DNAH8: variants seen among roughly 807,000 people sequenced by gnomAD.
The protein encoded by DNAH8 is dynein axonemal heavy chain 8, also known as axonemal beta dynein heavy chain 8.
In DNAH8, 382 loss-of-function variants were observed where a neutral mutation model predicts 562.1. That is an observed-to-expected ratio of 0.68 (90% CI 0.63 to 0.74). DNAH8 has a LOEUF of 0.74. Ranked by LOEUF, DNAH8 falls within the 30% of genes least tolerant of loss-of-function variation. DNAH8 has a pLI of 0.00. For synonymous variants in DNAH8, 1,881 were observed against 1,919.4 expected (o/e 0.98, Z 0.52); for missense variants, 5,203 against 5,620.4 (o/e 0.93, Z 2.37).
chr6:38,992,865 C>T (rs777344071), intron 88 of DNAH8, among the ~76,000 whole-genome samples: 1 of 152,206 alleles, frequency 6.6e-6, no homozygotes, highest in Non-Finnish European at 1.5e-5. Flanking sequence ...TACAAACTCT[C>T]AGAAAAGTTG....
At chr6:38,749,559 G>A (rs1232340454) in intron 8 of DNAH8, among the ~76,000 whole-genome samples, 1 of 149,714 alleles carries the variant, frequency 6.7e-6, no homozygotes, top group African/African-American at 2.4e-5. Flanking sequence ...AAAAGACAAT[G>A]TCTAATTAAA....
intron 22 of DNAH8, among the ~76,000 whole-genome samples, chr6:38,804,922 G>C (rs1194676729): frequency 7.1e-6 from 1 of 140,056 alleles, no homozygotes; most frequent in African/African-American, 2.5e-5. Context: ...GGGTGGCCGG[G>C]GGGGAGGGGG....
rs771614521 is a variant in DNAH8 at position 38,741,802 on chromosome 6, T to G, written c.1208T>G (p.Phe403Cys). Residue 403 changes from phenylalanine to cysteine, a missense_variant, in exon 8 of 93, where the codon TTC (phenylalanine) becomes TGC (cysteine). Phe to Cys is a radical substitution (Grantham distance 205). Around this residue, in one of 6 missense-constraint regions of DNAH8, gnomAD observed 556 missense variants for 496.9 expected, o/e 1.12. Transcript: ENST00000327475. Reference protein sequence around the residue: ...LEHWKRMSAKFNYIIEQIKGP... With the variant: ...LEHWKRMSAKCNYIIEQIKGP... ...CACTGGAAACGCATGTCAGCCAAGT[T>G]CAACTATATCATTGAGCAGATTAAA... The G allele has an allele frequency of 1.9e-6, 3 of 1,614,124 alleles. No homozygotes were observed. The highest frequency in any genetic ancestry group is 2.7e-5 in the African/African-American group (2 of 75,058).
At chr6:39,012,695 A>G in intron 91 of DNAH8, 58 bp downstream of exon 91, 2 of 1,325,076 alleles carry the variant, frequency 1.5e-6, no homozygotes, top group Admixed American at 1.7e-5. Context: ...GGATAGTAGC[A>G]TCGTGTGATA....
chr6:38,956,092 C>T (rs865879898), intron 82 of DNAH8, among the ~76,000 whole-genome samples: 1 of 152,164 alleles, frequency 6.6e-6, no homozygotes. Flanking sequence ...TGAAAGTTGC[C>T]CTGTGGCTTG....
intron 62 of DNAH8, among the ~76,000 whole-genome samples, chr6:38,903,759 G>GCACCAC: frequency 6.6e-6 from 1 of 151,874 alleles, no homozygotes; most frequent in African/African-American, 2.4e-5. Flanking sequence ...TTACAGGCGA[G>GCACCAC]CACCACCACG....
chr6:39,010,831 ATGTAT>A lies in DNAH8; in HGVS notation c.13372-1383_13372-1379del, dbSNP rs1766165966. On this transcript the variant is annotated intron_variant, in intron 89 of 92. Coordinates refer to ENST00000327475, the MANE Select transcript of DNAH8 (RefSeq NM_001206927.2). ...CACACACACACACACGTATGTATGT[ATGTAT>A]GTATGTATGTATGTATGTATGTATG... Among the ~76,000 whole-genome samples, 27 of 116,438 alleles carry A rather than the reference ATGTAT, an allele frequency of 2.3e-4. No homozygotes were observed. The South Asian group carries it at 7.9e-3, about 34-fold the overall frequency. The allele number at this position is 116,438 out of a possible 152,430, so 76.4% of individuals were successfully genotyped here.
intron 88 of DNAH8, among the ~76,000 whole-genome samples, chr6:38,997,843 C>T (rs1248018510): frequency 1.3e-5 from 2 of 152,152 alleles, no homozygotes; most frequent in East Asian, 1.9e-4. Flanking sequence ...CTGCAACCTC[C>T]GCCTCCCAGG....
intron 21 of DNAH8, among the ~76,000 whole-genome samples, chr6:38,801,416 G>A (rs754369020): frequency 6.6e-6 from 1 of 152,112 alleles, no homozygotes; most frequent in Non-Finnish European, 1.5e-5. Context: ...TTATTTTGTC[G>A]AGGTTTCTGG....
intron 7 of DNAH8, among the ~76,000 whole-genome samples, chr6:38,741,044 G>A (rs1415988643): frequency 6.6e-6 from 1 of 152,146 alleles, no homozygotes; most frequent in Non-Finnish European, 1.5e-5. Context: ...ATTACCAGGT[G>A]GAATAGAAGT....
chr6:39,008,971 G>A lies in DNAH8; in HGVS notation c.13371+1G>A, dbSNP rs1219161708. On this transcript the variant is annotated splice_donor_variant, in intron 89 of 92. Transcript: ENST00000327475. LOFTEE classifies it high-confidence loss of function. ...CCCTCCTGATTACATTCCTCATGAG[G>A]TAAGTCTTGCTGGTTTCCCACTGGC... is the stretch of plus-strand genomic sequence containing the variant. 6.2e-7 allele frequency: 1 copy of A among 1,603,600 alleles called. No homozygotes were observed. The highest frequency in any genetic ancestry group is 1.7e-5 in the Admixed American group (1 of 59,060).
chr6:38,853,082 T>C, intron 40 of DNAH8, 104 bp from the exon 41 acceptor site: 1 of 858,562 alleles, frequency 1.2e-6, no homozygotes, highest in Non-Finnish European at 1.8e-6. Context: ...AATATGAAAC[T>C]GTTTGCTTGG....
chr6:38,982,299 A>C (rs1764086429), intron 85 of DNAH8, 47 bp from the exon 86 acceptor site: 1 of 790,208 alleles, frequency 1.3e-6, no homozygotes, highest in Admixed American at 1.9e-5. Context: ...AGCAATAAAA[A>C]TGGAATCAGG....
chr6:38,884,080 C>T (rs1160012158), intron 56 of DNAH8, 82 bp downstream of exon 56: 1 of 973,292 alleles, frequency 1.0e-6, no homozygotes, highest in East Asian at 4.3e-5. Context: ...ATGTTAATAA[C>T]TTTGTTAAAA....
chr6:38,914,243 T>C (rs951092425), intron 67 of DNAH8, among the ~76,000 whole-genome samples: 1 of 152,026 alleles, frequency 6.6e-6, no homozygotes, highest in African/African-American at 2.4e-5. Context: ...TTATATTTGG[T>C]CTTCTGTTTA....
At chr6:38,985,744 AT>A (rs1298881306) in intron 87 of DNAH8, among the ~76,000 whole-genome samples, 1 of 152,246 alleles carries the variant, frequency 6.6e-6, no homozygotes, top group Admixed American at 6.5e-5. Flanking sequence ...GAAGGCAAGC[AT>A]CATAGATGGT....
chr6:38,894,645 C>G (rs778302881), intron 58 of DNAH8, 56 bp from the exon 59 acceptor site: 984 of 1,340,664 alleles, frequency 7.3e-4, no homozygotes, highest in Non-Finnish European at 9.9e-4. Context: ...AAAAGTAATT[C>G]TACTTTTAGT....
chr6:38,728,908 ATT>A (rs765490108), intron 3 of DNAH8, among the ~76,000 whole-genome samples: 9 of 152,172 alleles, frequency 5.9e-5, no homozygotes, highest in Non-Finnish European at 1.3e-4. Flanking sequence ...CAGTCAGTAA[ATT>A]AAGAGATACT....
At chr6:38,915,128 G>T in intron 67 of DNAH8, 73 bp from the exon 68 acceptor site, 1 of 1,227,578 alleles carries the variant, frequency 8.1e-7, no homozygotes, top group Non-Finnish European at 1.1e-6. Flanking sequence ...ATAAATATTT[G>T]CTCACTATTC....
Sources: gnomAD v4.1 joint callset for allele counts (sites outside exome capture counted in the v4.1 genomes callset) on GRCh38, gnomAD v4.1.1 for gene constraint, gnomAD v4.1.1 regional missense constraint, MANE v1.5 for transcripts, NCBI Gene and HGNC (gene_info 2026-07-23, HGNC 2026-07-21) for gene names.